Variants in SMARCA4 observed in about 807,000 individuals in gnomAD.
SMARCA4 encodes SWI/SNF-related matrix-associated actin-dependent regulator of chromatin subfamily A member 4.
In SMARCA4, 31 loss-of-function variants were observed where a neutral mutation model predicts 193.9. The observed-to-expected ratio is 0.16, with a 90% CI of 0.12 to 0.22. The LOEUF is 0.22. Ranked by LOEUF, SMARCA4 falls within the 10% of genes least tolerant of loss-of-function variation. The pLI is 1.00. For synonymous variants in SMARCA4, 942 were observed against 933.1 expected, an observed-to-expected ratio of 1.01 and a Z score of -0.17; for missense variants, 1,148 against 2,296.0, an observed-to-expected ratio of 0.50 and a Z score of 10.22.
At chr19:10,967,922 G>A (rs1048802073) in intron 1 of SMARCA4, among the ~76,000 whole-genome samples, 2 of 151,420 alleles carry the variant, frequency 1.3e-5, no homozygotes, top group Admixed American at 6.6e-5. Context: ...AGTTGCCCAG[G>A]CTGGAGTGCA....
intron 8 of SMARCA4, among the ~76,000 whole-genome samples, chr19:10,992,404 C>T (rs1266645188): frequency 6.6e-6 from 1 of 151,556 alleles, no homozygotes; most frequent in Non-Finnish European, 1.5e-5. Context: ...GGCGTAATCC[C>T]CCGTGCCTGG....
At position 11,027,708 on chromosome 19, in the gene SMARCA4, A is replaced by AC. The variant is rs1406848705; in HGVS notation, c.3216-74dup. The AC allele has an allele frequency of 1.3e-5, 20 of 1,545,458 alleles. 1 individual carries two copies. The highest frequency in any genetic ancestry group is 1.8e-5 in the Non-Finnish European group (20 of 1,119,922). On this transcript the variant is annotated intron_variant, in intron 23 of 34. Coordinates refer to ENST00000344626, the MANE Select transcript of SMARCA4 (RefSeq NM_003072.5). The stretch of plus-strand genomic sequence containing the variant: ...CGCCTGGCCTGGAGGCGGGCGATGC[A>AC]CCTCCTGCCTTACCTGCCTGCAGGG...
rs2146694011 is a variant in SMARCA4 at position 11,034,879 on chromosome 19, G to A, written c.3952-35G>A. Reference sequence around the variant, plus strand: ...TCTAGCGTGCCCCTGGTGCCTGCATGCTGATGCCTCTCCCGTTGCCTCCCT... The same window carrying A: ...TCTAGCGTGCCCCTGGTGCCTGCATACTGATGCCTCTCCCGTTGCCTCCCT... On this transcript the variant is annotated intron_variant, in intron 28 of 34. Transcript: ENST00000344626. The surrounding 1 kb of genome is among the most constrained non-coding windows in gnomAD (Gnocchi z 7.0). 6.9e-7 allele frequency: 1 copy of A among 1,446,714 alleles called. No homozygotes were observed. The highest frequency in any genetic ancestry group is 9.5e-7 in the Non-Finnish European group (1 of 1,057,172). The allele number at this position is 1,446,714 out of a possible 1,614,324, so 89.6% of individuals were successfully genotyped here.
chr19:10,981,969 T>C (rs1568412746), intron 1 of SMARCA4, among the ~76,000 whole-genome samples: 1 of 151,998 alleles, frequency 6.6e-6, no homozygotes. Flanking sequence ...GCTTGGGTGA[T>C]AGAGTAAGAC....
chr19:11,022,645 C>T (rs2089961356), intron 19 of SMARCA4, among the ~76,000 whole-genome samples: 1 of 152,228 alleles, frequency 6.6e-6, no homozygotes. Context: ...TCGAAGTGCC[C>T]TGCCCAGCAC....
At chr19:10,995,863 G>A (rs528331702) in intron 9 of SMARCA4, 1 of 394,202 alleles carries the variant, frequency 2.5e-6, no homozygotes, top group South Asian at 2.0e-5. Flanking sequence ...TTAGAAAGGT[G>A]GGGGGCTGCT....
chr19:10,990,154 T>G (rs2086430579), intron 7 of SMARCA4, among the ~76,000 whole-genome samples: 1 of 150,756 alleles, frequency 6.6e-6, no homozygotes, highest in African/African-American at 2.4e-5. Flanking sequence ...TACACCTGGC[T>G]ATATTTTTCT....
chr19:10,987,753 C>A lies in SMARCA4; in HGVS notation c.947C>A (p.Pro316His). ...ACGGGCCGCCCTTCCCCCGCGCCCC[C>A]TGCCGTCCCACCCGCCGCCTCGCCC... Reference protein sequence around the residue: ...QPTGRPSPAPPAVPPAASPVM... With the variant: ...QPTGRPSPAPHAVPPAASPVM... Residue 316 changes from proline (P) to histidine (H), a missense_variant, in exon 6 of 35, where the codon CCT (proline) becomes CAT (histidine). Transcript: ENST00000344626. The surrounding 1 kb of genome is among the most constrained non-coding windows in gnomAD (Gnocchi z 5.3). 6.2e-7 allele frequency: 1 copy of A among 1,601,608 alleles called. No individual in the cohort carries two copies.
In SMARCA4 at chr19:11,022,069, G is replaced by A. The variant is rs2146429243; in HGVS notation, c.2859+102G>A. On this transcript the variant is annotated intron_variant, in intron 19 of 34. Coordinates refer to ENST00000344626, the MANE Select transcript of SMARCA4 (RefSeq NM_003072.5). ...AGCTACAGCTGGCTGGGCCTGTGCT[G>A]GGTGCCTGGTGAGAGTCTGCATCTG... 1 of 1,555,486 alleles carries A rather than the reference G, an allele frequency of 6.4e-7. No homozygotes were observed.
In SMARCA4 at chr19:11,019,515, G is replaced by T; in HGVS notation, c.2506-76G>T. The T allele has an allele frequency of 1.2e-6, 1 of 867,938 alleles. No homozygotes were observed. 53.8% of individuals were successfully genotyped at this position (867,938 alleles called of 1,614,324 possible). ...CCCGCCGTGTCACTGGGCAGTTGCA[G>T]GGGGTGCCTGTGCCCCTCTTGCCAC... On this transcript the variant is annotated intron_variant, in intron 17 of 34. Coordinates refer to ENST00000344626, the MANE Select transcript of SMARCA4 (RefSeq NM_003072.5). The surrounding 1 kb of genome is among the most constrained non-coding windows in gnomAD (Gnocchi z 6.1).
intron 23 of SMARCA4, among the ~76,000 whole-genome samples, chr19:11,027,225 G>T (rs2090326443): frequency 6.6e-6 from 1 of 152,160 alleles, no homozygotes; most frequent in African/African-American, 2.4e-5. Context: ...GTGGAACAGG[G>T]TCCTGTACAC....
In SMARCA4 at chr19:10,986,178, T is replaced by A. The variant is rs2145770284; in HGVS notation, c.356-11T>A. 1 of 1,611,652 alleles carries A rather than the reference T, an allele frequency of 6.2e-7. No individual in the cohort carries two copies. The highest frequency in any genetic ancestry group is 2.2e-5 in the East Asian group (1 of 44,860). ...CTGCCGAGTGACCAGTGGGCTGACC[T>A]TTCTCTGCAGGTTACCCCTCGCCCC... On this transcript the variant is annotated splice_polypyrimidine_tract_variant and intron_variant, in intron 3 of 34. Coordinates refer to ENST00000344626, the MANE Select transcript of SMARCA4 (RefSeq NM_003072.5). This position sits in a 1 kb window ranked among gnomAD's most constrained non-coding sequence, Gnocchi z 6.7.
In SMARCA4 at chr19:11,059,871, G is replaced by C. The variant is rs148115492; in HGVS notation, c.4754G>C (p.Gly1585Ala). 12 of 1,613,944 alleles carry C rather than the reference G, an allele frequency of 7.4e-6. No individual in the cohort carries two copies. Among genetic ancestry groups the C allele is most frequent in the Admixed American group, 6.7e-5 (4 of 60,020 alleles). The change falls in exon 33 of 35, where the codon GGC (glycine) becomes GCC (alanine). Residue 1585 changes from glycine to alanine, a missense_variant. Around this residue, in one of 17 missense-constraint regions of SMARCA4, gnomAD observed 105 missense variants for 133.7 expected, o/e 0.79. Coordinates refer to ENST00000344626, the MANE Select transcript of SMARCA4 (RefSeq NM_003072.5). ...SEEEEEGEEE[G>A]SESESRSVKV... is the part of the protein sequence containing the mutation. ...GAGGAGGAAGAGGGCGAGGAGGAAG[G>C]CTCCGAATCCGAATGTGAGTCCCGG...
intron 29 of SMARCA4, among the ~76,000 whole-genome samples, chr19:11,035,882 T>A (rs564319411): frequency 6.6e-6 from 1 of 152,334 alleles, no homozygotes; most frequent in South Asian, 2.1e-4. Flanking sequence ...GGCTCTGAGT[T>A]ATAGAGACGA....
At position 11,008,324 on chromosome 19, in the gene SMARCA4, G is replaced by T. The variant is rs2088445344; in HGVS notation, c.2123+301G>T. 1.8e-5 allele frequency: 7 copies of T among 380,506 alleles called. No homozygotes were observed. The Admixed American group carries it at 2.5e-4, about 14-fold the overall frequency. 23.6% of individuals were successfully genotyped at this position (380,506 alleles called of 1,614,324 possible). ...CCCTCCCTTTCCACTACCCTCCCTG[G>T]GGAAACTTTCCAGCCTTGTGTGTCA... On this transcript the variant is annotated intron_variant, in intron 14 of 34. Transcript: ENST00000344626.
At chr19:10,995,611 A>G (rs2086964687) in intron 9 of SMARCA4, 1 of 413,910 alleles carries the variant, frequency 2.4e-6, no homozygotes, top group Non-Finnish European at 4.9e-6. Flanking sequence ...GACCCAGGGA[A>G]GGAGCCCCAG....
chr19:11,010,878 AC>A (rs1231454222), intron 15 of SMARCA4: 1 of 372,820 alleles, frequency 2.7e-6, no homozygotes, highest in Non-Finnish European at 5.2e-6. Context: ...CGTGTGTAGG[AC>A]TGAACCAGGG....
intron 1 of SMARCA4, among the ~76,000 whole-genome samples, chr19:10,963,915 A>G (rs1271227467): frequency 6.6e-6 from 1 of 152,022 alleles, no homozygotes; most frequent in Non-Finnish European, 1.5e-5. Flanking sequence ...AGCCTGGGTG[A>G]CGAAGCGAGA....
At chr19:10,968,461 T>A (rs1316171820) in intron 1 of SMARCA4, among the ~76,000 whole-genome samples, 1 of 152,186 alleles carries the variant, frequency 6.6e-6, no homozygotes, top group Non-Finnish European at 1.5e-5. Flanking sequence ...GCCCCGTTTT[T>A]AATAGTGATC....
Sources: allele counts gnomAD v4.1 joint callset (sites outside exome capture counted in the v4.1 genomes callset), GRCh38; gene constraint gnomAD v4.1.1; regional missense constraint gnomAD v4.1.1; non-coding constraint Gnocchi (gnomAD v3.1); transcripts MANE v1.5; gene names NCBI Gene and HGNC (gene_info 2026-07-23, HGNC 2026-07-21).